CHST7: variants seen among roughly 807,000 people sequenced by gnomAD.
CHST7 encodes the protein carbohydrate sulfotransferase 7, also known as N-acetylglucosamine 6-O-sulfotransferase 4.
A neutral mutation model predicts 9.0 loss-of-function variants in CHST7; 5 were observed. That is an observed-to-expected ratio of 0.56 (90% CI 0.29 to 1.17). CHST7 has a LOEUF of 1.17. CHST7 is among the 50% of genes most tolerant of loss of function. The pLI is 0.08. For synonymous variants in CHST7, 244 were observed against 237.1 expected (o/e 1.03, Z -0.27); for missense variants, 377 against 485.1 (o/e 0.78, Z 2.09).
intron 1 of CHST7, among the ~76,000 whole-genome samples, chrX:46,582,287 T>C (rs1569491545): frequency 8.9e-6 from 1 of 112,300 alleles, no homozygotes; most frequent in Non-Finnish European, 1.9e-5. Flanking sequence ...AAAATTCCTA[T>C]AGCAGAGTGA....
chrX:46,595,912 C>G (rs1942591697), intron 1 of CHST7, among the ~76,000 whole-genome samples: 1 of 110,999 alleles, frequency 9.0e-6, no homozygotes, highest in Admixed American at 9.6e-5. Context: ...CTGAGGCGGG[C>G]TGATCACCTG....
At position 46,575,207 on chromosome X, in the gene CHST7, G is replaced by T. The variant is rs759455589; in HGVS notation, c.1276G>T (p.Asp426Tyr). 1 of 1,102,600 alleles carries T rather than the reference G, an allele frequency of 9.1e-7. No individual in the cohort carries two copies. The highest frequency in any genetic ancestry group is 2.2e-5 in the South Asian group (1 of 46,259). The allele number at this position is 1,102,600 out of a possible 1,213,427, so 90.9% of individuals were successfully genotyped here. A position where few individuals can be genotyped will look rare whatever the true frequency, so the allele number is the denominator to read the frequency against. ...CCGGCCCTTCCACCTGTCAGCGCGC[G>T]ACGCCCGGGAGGCGGTGCACGCCTG... is the stretch of plus-strand genomic sequence containing the variant. ...ADRPFHLSAR[D>Y]AREAVHAWRE... The change falls in exon 1 of 2, where the codon GAC (aspartate) becomes TAC (tyrosine). Residue 426 changes from aspartate to tyrosine, a missense_variant. Around this residue, in one of 3 missense-constraint regions of CHST7, gnomAD observed 130 missense variants for 134.9 expected, o/e 0.96. Transcript: ENST00000276055.
intron 1 of CHST7, among the ~76,000 whole-genome samples, chrX:46,584,362 AC>A (rs1344585186): frequency 9.3e-6 from 1 of 107,757 alleles, no homozygotes; most frequent in Non-Finnish European, 1.9e-5. Flanking sequence ...ACATGGAGAA[AC>A]CCCGCCTCTA....
chrX:46,583,974 A>G (rs1383948909), intron 1 of CHST7, among the ~76,000 whole-genome samples: 1 of 112,146 alleles, frequency 8.9e-6, no homozygotes, highest in Admixed American at 9.4e-5. Flanking sequence ...GAGAACATGC[A>G]ATATTTGTCT....
chrX:46,595,230 C>G (rs754830595), intron 1 of CHST7, among the ~76,000 whole-genome samples: 68 of 112,984 alleles, frequency 6.0e-4, no homozygotes, highest in Non-Finnish European at 1.0e-3. Context: ...TCTGTGTCAT[C>G]TCAGTGTTGG....
intron 1 of CHST7, among the ~76,000 whole-genome samples, chrX:46,592,586 C>T (rs752483700): frequency 1.9e-4 from 21 of 112,080 alleles, no homozygotes; most frequent in Non-Finnish European, 3.8e-4. Context: ...TGGTCTCGAA[C>T]TCCTGGCCTC....
intron 1 of CHST7, among the ~76,000 whole-genome samples, chrX:46,578,189 A>G (rs1196634440): frequency 3.7e-5 from 4 of 108,471 alleles, no homozygotes; most frequent in Non-Finnish European, 7.6e-5. Flanking sequence ...TCACACAACG[A>G]CACAGGGTTA....
At chrX:46,597,110 C>A (rs1942597934) in intron 1 of CHST7, among the ~76,000 whole-genome samples, 2 of 111,535 alleles carry the variant, frequency 1.8e-5, no homozygotes, top group Non-Finnish European at 3.8e-5. Flanking sequence ...AGTTTCACTC[C>A]ATTAGAAAAT....
chrX:46,575,499 G>A (rs1455101624), intron 1 of CHST7, 76 bp downstream of exon 1: 3 of 838,805 alleles, frequency 3.6e-6, no homozygotes, highest in Admixed American at 5.8e-5. Context: ...AGGGGGAAGT[G>A]TAGGGGGGAG....
At chrX:46,593,488 C>T (rs759009697) in intron 1 of CHST7, among the ~76,000 whole-genome samples, 6 of 111,061 alleles carry the variant, frequency 5.4e-5, no homozygotes, top group African/African-American at 1.9e-4. Context: ...AATATAGCTA[C>T]TCTTCCTTTC....
In CHST7 at chrX:46,574,889, G is replaced by C. The variant is rs61734023; in HGVS notation, c.958G>C (p.Val320Leu). 66 of 1,159,447 alleles carry C rather than the reference G, an allele frequency of 5.7e-5. No homozygotes were observed. In the African/African-American group the frequency reaches 1.0e-3, roughly 18 times the overall value. Residue 320 changes from valine to leucine, a missense_variant, in exon 1 of 2, where the codon GTG (valine) becomes CTG (leucine). Transcript: ENST00000276055. ...CCACCGTGTGCTGCTGGCGCACGGCGTGGGTGCTCGCCCCGGGGGCCAGTC... is the reference window on the plus strand; with the variant it reads ...CCACCGTGTGCTGCTGGCGCACGGCCTGGGTGCTCGCCCCGGGGGCCAGTC... ...RFHRVLLAHG[V>L]GARPGGQSRA... is the part of the protein sequence containing the mutation.
chrX:46,594,268 C>T (rs1161519266), intron 1 of CHST7, among the ~76,000 whole-genome samples: 1 of 112,213 alleles, frequency 8.9e-6, no homozygotes, highest in African/African-American at 3.2e-5. Flanking sequence ...TGGCTCACTC[C>T]TGTGATCCCA....
At position 46,575,069 on chromosome X, in the gene CHST7, C is replaced by G. The variant is rs780631772; in HGVS notation, c.1138C>G (p.Arg380Gly). The G allele has an allele frequency of 1.4e-5, 16 of 1,126,398 alleles. No individual in the cohort carries two copies. The highest frequency in any genetic ancestry group is 1.9e-5 in the Non-Finnish European group (16 of 862,333). 92.8% of individuals were successfully genotyped at this position (1,126,398 alleles called of 1,213,427 possible). The change falls in exon 1 of 2, where the codon CGG becomes GGG. Residue 380 changes from arginine to glycine, a missense_variant. This residue lies in a region of CHST7 where 130 missense variants were observed against 134.9 expected (regional missense o/e 0.96). Transcript: ENST00000276055. Reference protein sequence around the residue: ...YLRLRYEDLVRQPRAQLRRLL... With the variant: ...YLRLRYEDLVGQPRAQLRRLL... ...GAGGCTGCGCTATGAGGACCTGGTGCGGCAGCCACGCGCCCAGCTGCGCCG... is the reference window on the plus strand; with the variant it reads ...GAGGCTGCGCTATGAGGACCTGGTGGGGCAGCCACGCGCCCAGCTGCGCCG...
chrX:46,579,808 G>A (rs1307611952), intron 1 of CHST7, among the ~76,000 whole-genome samples: 1 of 110,570 alleles, frequency 9.0e-6, no homozygotes, highest in Admixed American at 9.7e-5. Context: ...AACATAGTGA[G>A]ACAACCCCCA....
At chrX:46,578,438 A>G (rs1434097582) in intron 1 of CHST7, among the ~76,000 whole-genome samples, 1 of 106,083 alleles carries the variant, frequency 9.4e-6, no homozygotes, top group Non-Finnish European at 1.9e-5. Flanking sequence ...CACCACATCC[A>G]ATCTTTCACC....
Position 46,575,133 on chromosome X carries a change from T to A in CHST7, c.1202T>A (p.Leu401His). ...RFSGLRALAALDAFALNMTRG... is the reference protein window; with the variant it reads ...RFSGLRALAAHDAFALNMTRG... ...TCCGGGCTACGCGCGCTCGCAGCGC[T>A]CGATGCCTTCGCGCTCAACATGACT... The change falls in exon 1 of 2, where the codon CTC (leucine) becomes CAC (histidine). Residue 401 changes from leucine (L) to histidine (H), a missense_variant. Leu to His is a moderately conservative substitution (Grantham distance 99). Coordinates refer to ENST00000276055, the MANE Select transcript of CHST7 (RefSeq NM_019886.4). The A allele has an allele frequency of 9.1e-7, 1 of 1,098,893 alleles. No individual in the cohort carries two copies. The highest frequency in any genetic ancestry group is 1.2e-6 in the Non-Finnish European group (1 of 849,406). The allele number at this position is 1,098,893 out of a possible 1,213,427, so 90.6% of individuals were successfully genotyped here. A position where few individuals can be genotyped will look rare whatever the true frequency, so the allele number is the denominator to read the frequency against.
In CHST7 at chrX:46,592,755, A is replaced by G. The variant is rs1313556256; in HGVS notation, c.*32-5005A>G. The stretch of plus-strand genomic sequence containing the variant: ...TTCAGTTTTACTGATTTCTCCTTTT[A>G]TCTTAATTATTTCCTTACTTCTGCT... On this transcript the variant is annotated intron_variant, in intron 1 of 1. Coordinates refer to ENST00000276055, the MANE Select transcript of CHST7 (RefSeq NM_019886.4). Among the ~76,000 whole-genome samples, 3 of 105,452 alleles carry G rather than the reference A, an allele frequency of 2.8e-5. No individual in the cohort carries two copies. In the Admixed American group the frequency reaches 3.2e-4, roughly 11 times the overall value. 91.6% of individuals were successfully genotyped at this position (105,452 alleles called of 115,157 possible).
chrX:46,580,389 T>C (rs1942519349), intron 1 of CHST7, among the ~76,000 whole-genome samples: 1 of 111,335 alleles, frequency 9.0e-6, no homozygotes, highest in African/African-American at 3.3e-5. Context: ...ATTGCTCCTA[T>C]ATAGAATTTC....
At chrX:46,578,890 A>C (rs941472369) in intron 1 of CHST7, among the ~76,000 whole-genome samples, 3 of 111,640 alleles carry the variant, frequency 2.7e-5, no homozygotes, top group African/African-American at 9.8e-5. Context: ...GCCCTGGCTG[A>C]ACATTACATT....
Sources: allele counts gnomAD v4.1 joint callset (sites outside exome capture counted in the v4.1 genomes callset), GRCh38; gene constraint gnomAD v4.1.1; regional missense constraint gnomAD v4.1.1; transcripts MANE v1.5; gene names NCBI Gene and HGNC (gene_info 2026-07-23, HGNC 2026-07-21).